The following PSD3 variants were observed in gnomAD, a reference collection of about 807,000 sequenced individuals.
PSD3 encodes pleckstrin and Sec7 domain containing 3.
A neutral mutation model predicts 105.5 loss-of-function variants in PSD3; 49 were observed. The observed-to-expected ratio is 0.46, with a 90% CI of 0.37 to 0.59. The LOEUF (loss-of-function observed/expected upper bound fraction) is 0.59. Among genes scored for constraint, PSD3 ranks in the 20% least tolerant of loss-of-function variants. The probability of loss-of-function intolerance (pLI) is 0.00; values close to 1 mark genes in which losing one functional copy is unlikely to be tolerated. For missense variants in PSD3, 1,561 were observed against 1,263.8 expected (o/e 1.24, Z -3.57); for synonymous variants, 557 against 457.8 (o/e 1.22, Z -2.77).
In PSD3 at chr8:18,600,433, A is replaced by C; in HGVS notation, c.2412T>G (p.Thr804=). 1 of 1,599,396 alleles carries C rather than the reference A, an allele frequency of 6.3e-7. No individual in the cohort carries two copies. The stretch of plus-strand genomic sequence containing the variant: ...TTTTCCATCCTCGTTTTCCTCTTGG[A>C]GCTAGAAAGGGGGAAAAAATGTAAA... The part of the protein sequence containing the change: ...KIHADMDGKK[T]PRGKRGWKTF... The change falls in exon 12 of 16, where the codon ACT becomes ACG. Residue 804 remains threonine, a splice_region_variant and synonymous_variant. Transcript: ENST00000327040.
At chr8:18,941,250 T>C (rs1279040653) in intron 1 of PSD3, among the ~76,000 whole-genome samples, 1 of 152,194 alleles carries the variant, frequency 6.6e-6, no homozygotes, top group Non-Finnish European at 1.5e-5. Context: ...GGTCAGGTGA[T>C]CAGACTTAAA....
In PSD3 at chr8:18,842,018, T is replaced by C. The variant is rs374769575; in HGVS notation, c.1634+25656A>G. ...CAGGAGCAGAAAGGCAGTGGATGGC[T>C]CTCCTCTGCTGTTTCCAAGGCCAAA... On this transcript the variant is annotated intron_variant, in intron 4 of 15. Coordinates refer to ENST00000327040, the MANE Select transcript of PSD3 (RefSeq NM_015310.4). 1.0e-3 allele frequency among the ~76,000 whole-genome samples: 156 copies of C among 152,254 alleles called. 2 individuals carry two copies. The highest frequency in any genetic ancestry group is 3.5e-3 in the African/African-American group (147 of 41,528).
intron 9 of PSD3, among the ~76,000 whole-genome samples, chr8:18,679,354 C>T (rs1435459116): frequency 6.6e-6 from 1 of 152,152 alleles, no homozygotes; most frequent in African/African-American, 2.4e-5. Flanking sequence ...GGTGATGGTG[C>T]CTTTCAACAT....
chr8:18,773,347 C>G (rs1057368760), intron 8 of PSD3, among the ~76,000 whole-genome samples: 3 of 152,138 alleles, frequency 2.0e-5, no homozygotes, highest in African/African-American at 4.8e-5. Flanking sequence ...ATTCCATTAG[C>G]CTGTCCTTAT....
At chr8:18,735,994 C>T (rs1234870926) in intron 9 of PSD3, among the ~76,000 whole-genome samples, 3 of 152,132 alleles carry the variant, frequency 2.0e-5, no homozygotes, top group African/African-American at 7.2e-5. Flanking sequence ...ATATATCTAA[C>T]TACAAAAAAC....
intron 3 of PSD3, among the ~76,000 whole-genome samples, chr8:18,870,238 G>A (rs528229751): frequency 5.3e-5 from 8 of 152,218 alleles, no homozygotes; most frequent in South Asian, 2.1e-4. Flanking sequence ...ATGCTCTCCC[G>A]TATAAACTAT....
chr8:18,819,742 C>A (rs1243772327), intron 4 of PSD3, among the ~76,000 whole-genome samples: 4 of 152,068 alleles, frequency 2.6e-5, no homozygotes, highest in Non-Finnish European at 5.9e-5. Flanking sequence ...CCACGCCCAG[C>A]TAATTTTTGT....
chr8:18,584,881 C>G (rs934116780), intron 12 of PSD3, among the ~76,000 whole-genome samples: 1 of 152,078 alleles, frequency 6.6e-6, no homozygotes, highest in Non-Finnish European at 1.5e-5. Context: ...CATAAAGGGA[C>G]TATCTAAATA....
intron 11 of PSD3, among the ~76,000 whole-genome samples, chr8:18,618,592 ACTGGATTCCTTCTATGTACCAG>A (rs1349747498): frequency 2.1e-4 from 29 of 141,212 alleles, no homozygotes; most frequent in South Asian, 4.9e-4. Flanking sequence ...TAAAATAACA[ACTGGATTCCTTCTATGTACCAG>A]GCAGTGTACT....
intron 1 of PSD3, among the ~76,000 whole-genome samples, chr8:19,022,578 G>A (rs1462755336): frequency 1.3e-5 from 2 of 152,156 alleles, no homozygotes; most frequent in East Asian, 1.9e-4. Context: ...CTCACTCTAG[G>A]TTTCGTGGGA....
chr8:18,533,858 G>A lies in PSD3; in HGVS notation c.*1885C>T, dbSNP rs557288650. The A allele has an allele frequency of 6.6e-6, 1 of 152,082 alleles. No individual in the cohort carries two copies. The highest frequency in any genetic ancestry group is 2.1e-4 in the South Asian group (1 of 4,820). 9.4% of individuals were successfully genotyped at this position (152,082 alleles called of 1,614,324 possible). ...TATTGGTAACTATCCTGTTTGTTTT[G>A]CAGTTCTGAAACATAAACTTAGTTA... On this transcript the variant is annotated 3_prime_UTR_variant, in exon 16 of 16. Transcript: ENST00000327040.
intron 1 of PSD3, among the ~76,000 whole-genome samples, chr8:18,943,594 G>C (rs183180971): frequency 1.1e-4 from 16 of 152,108 alleles, no homozygotes; most frequent in African/African-American, 3.9e-4. Flanking sequence ...TTGAAGTGAA[G>C]GAAAAGGGAG....
chr8:19,078,761 T>A (rs1440942501), intron 1 of PSD3, among the ~76,000 whole-genome samples: 1 of 151,860 alleles, frequency 6.6e-6, no homozygotes, highest in Non-Finnish European at 1.5e-5. Context: ...AGTGTTAGCC[T>A]GGATTGTCTT....
intron 12 of PSD3, among the ~76,000 whole-genome samples, chr8:18,579,013 C>A (rs1345156992): frequency 1.3e-5 from 2 of 151,090 alleles, no homozygotes; most frequent in Non-Finnish European, 3.0e-5. Flanking sequence ...TACAATTTTA[C>A]CATTTTTTCT....
intron 9 of PSD3, among the ~76,000 whole-genome samples, chr8:18,754,719 A>G (rs1305054599): frequency 6.6e-6 from 1 of 152,080 alleles, no homozygotes; most frequent in Non-Finnish European, 1.5e-5. Flanking sequence ...GGCTGTTGAG[A>G]GTTATTTTTA....
At chr8:18,835,658 C>T (rs906472471) in intron 4 of PSD3, among the ~76,000 whole-genome samples, 4 of 152,166 alleles carry the variant, frequency 2.6e-5, no homozygotes, top group South Asian at 2.1e-4. Context: ...AAAAGGCAGG[C>T]AGGTAAGTGC....
chr8:18,742,825 C>A (rs751350733), intron 9 of PSD3, among the ~76,000 whole-genome samples: 1 of 152,186 alleles, frequency 6.6e-6, no homozygotes, highest in Admixed American at 6.5e-5. Context: ...TCATACCCAT[C>A]CTTACCTAGG....
At chr8:18,810,549 T>G (rs1811604067) in intron 4 of PSD3, among the ~76,000 whole-genome samples, 1 of 152,198 alleles carries the variant, frequency 6.6e-6, no homozygotes, top group South Asian at 2.1e-4. Context: ...ATTTAAAATT[T>G]CTTTAAATTT....
chr8:18,979,715 A>C (rs1409584005), intron 1 of PSD3: 1 of 185,986 alleles, frequency 5.4e-6, no homozygotes, highest in Non-Finnish European at 1.2e-5. Flanking sequence ...TTTTTCACTA[A>C]CACCACAAGA....
Sources: allele counts gnomAD v4.1 joint callset (sites outside exome capture counted in the v4.1 genomes callset), GRCh38; gene constraint gnomAD v4.1.1; transcripts MANE v1.5; gene names NCBI Gene and HGNC (gene_info 2026-07-23, HGNC 2026-07-21).